POU6F2: variants seen among roughly 807,000 people sequenced by gnomAD.
POU6F2 encodes the protein POU domain, class 6, transcription factor 2.
POU6F2 carries 31 observed loss-of-function variants against 71.3 expected under a neutral mutation model. The observed-to-expected ratio is 0.43, with a 90% CI of 0.33 to 0.59. The LOEUF is 0.59. Ranked by LOEUF, POU6F2 falls within the 20% of genes least tolerant of loss-of-function variation. The pLI, the probability that POU6F2 is intolerant of heterozygous loss-of-function variation, is 0.04. For synonymous variants in POU6F2, 347 were observed against 355.7 expected (o/e 0.98, Z 0.27); for missense variants, 783 against 856.8 (o/e 0.91, Z 1.07).
chr7:39,089,235 C>A (rs1791315535), intron 2 of POU6F2, among the ~76,000 whole-genome samples: 1 of 152,176 alleles, frequency 6.6e-6, no homozygotes, highest in African/African-American at 2.4e-5. Context: ...TTAGGTAGTT[C>A]TCTGTGATAT....
At chr7:39,244,161 A>G (rs545117078) in intron 4 of POU6F2, among the ~76,000 whole-genome samples, 1 of 152,322 alleles carries the variant, frequency 6.6e-6, no homozygotes, top group Non-Finnish European at 1.5e-5. Context: ...ATATAAAAAA[A>G]ACATTTTTGT....
chr7:39,167,487 T>C (rs1425862451), intron 2 of POU6F2, among the ~76,000 whole-genome samples: 2 of 152,146 alleles, frequency 1.3e-5, no homozygotes, highest in Non-Finnish European at 2.9e-5. Context: ...TGTATGGATA[T>C]CTTTGCGTCA....
At chr7:39,233,108 T>TA (rs1183228242) in intron 4 of POU6F2, among the ~76,000 whole-genome samples, 11 of 152,206 alleles carry the variant, frequency 7.2e-5, no homozygotes, top group Non-Finnish European at 1.3e-4. Context: ...ATTAACCACT[T>TA]ATCCTATGCT....
chr7:39,288,244 G>A (rs1442056671), intron 4 of POU6F2, among the ~76,000 whole-genome samples: 1 of 152,116 alleles, frequency 6.6e-6, no homozygotes, highest in Non-Finnish European at 1.5e-5. Context: ...AAGCTGCAGT[G>A]TCAAGACCAC....
At chr7:39,431,952 AC>A (rs1483383504) in intron 6 of POU6F2, among the ~76,000 whole-genome samples, 2 of 152,142 alleles carry the variant, frequency 1.3e-5, no homozygotes, top group Non-Finnish European at 2.9e-5. Flanking sequence ...TAACCATCCT[AC>A]CGTGTGTGGA....
chr7:39,207,511 G>A lies in POU6F2; in HGVS notation c.489G>A (p.Gln163=), dbSNP rs919632022. 2.8e-5 allele frequency: 45 copies of A among 1,613,906 alleles called. No individual in the cohort carries two copies. The highest frequency in any genetic ancestry group is 3.6e-5 in the Non-Finnish European group (43 of 1,179,896). The change falls in exon 4 of 10, where the codon CAG becomes CAA. Residue 163 remains glutamine (Q), a synonymous_variant. Transcript: ENST00000518318. ...ACATGGCGGGACAGCTAGGAGGCCA[G>A]CAAGGACTGGTTCTCACACTGCCAA... ...PFNMAGQLGG[Q]QGLVLTLPTA... is the part of the protein sequence containing the mutation.
intron 4 of POU6F2, among the ~76,000 whole-genome samples, chr7:39,265,728 T>C (rs554350265): frequency 2.0e-5 from 3 of 152,344 alleles, no homozygotes; most frequent in African/African-American, 7.2e-5. Context: ...AGTAAGCTTC[T>C]ATAAACAGAC....
chr7:39,206,707 T>C (rs543437827), intron 3 of POU6F2, among the ~76,000 whole-genome samples: 24 of 152,370 alleles, frequency 1.6e-4, no homozygotes, highest in Non-Finnish European at 2.6e-4. Context: ...AGTACTGTAA[T>C]AAGCTATTTT....
intron 2 of POU6F2, among the ~76,000 whole-genome samples, chr7:39,122,723 T>C (rs1275019982): frequency 6.6e-6 from 1 of 151,078 alleles, no homozygotes; most frequent in Non-Finnish European, 1.5e-5. Context: ...TTTTTTTTTT[T>C]TGGAGATGGA....
rs771872949 is a variant in POU6F2, at chr7:39,433,187, C to T, written c.1224C>T (p.Ala408=). 1 of 1,613,884 alleles carries T rather than the reference C, an allele frequency of 6.2e-7. No homozygotes were observed. The highest frequency in any genetic ancestry group is 8.5e-7 in the Non-Finnish European group (1 of 1,179,872). Residue 408 remains alanine, a synonymous_variant, in exon 7 of 10, where the codon GCC becomes GCT. Transcript: ENST00000518318. ...QPITPQLLTN[A]QGQIIATVIG... ...TCACCCCCCAGCTCCTCACAAACGCCCAGGGCCAGATCATCGCCACAGTCA... is the reference window on the plus strand; with the variant it reads ...TCACCCCCCAGCTCCTCACAAACGCTCAGGGCCAGATCATCGCCACAGTCA...
At chr7:38,986,860 C>G (rs1370244800) in intron 1 of POU6F2, among the ~76,000 whole-genome samples, 1 of 152,124 alleles carries the variant, frequency 6.6e-6, no homozygotes, top group African/African-American at 2.4e-5. Context: ...CTATACTATA[C>G]ATAGAGTTCT....
rs534270100 is a variant in POU6F2 at position 39,383,735 on chromosome 7, C to G, written c.973-22865C>G. On this transcript the variant is annotated intron_variant, in intron 5 of 9. Transcript: ENST00000518318. ...TGTGCTTAGAGTGCTCGAACCAGAC[C>G]TCTGAAGATGAATTACCATTTCTCT... Among the ~76,000 whole-genome samples the G allele has an allele frequency of 3.7e-4, 57 of 152,288 alleles. No individual in the cohort carries two copies. In the South Asian group the frequency reaches 9.7e-3, roughly 26 times the overall value.
At chr7:39,157,790 G>A (rs1177628205) in intron 2 of POU6F2, among the ~76,000 whole-genome samples, 1 of 152,206 alleles carries the variant, frequency 6.6e-6, no homozygotes, top group East Asian at 1.9e-4. Flanking sequence ...TCTTTCAACA[G>A]GCAACGAATT....
At chr7:39,074,563 A>T (rs776836879) in intron 1 of POU6F2, among the ~76,000 whole-genome samples, 44 of 152,142 alleles carry the variant, frequency 2.9e-4, no homozygotes, top group African/African-American at 4.6e-4. Context: ...TTGTTTTTCA[A>T]ATGAAAGCAA....
intron 4 of POU6F2, among the ~76,000 whole-genome samples, chr7:39,248,718 G>A (rs1783862362): frequency 1.3e-5 from 2 of 152,164 alleles, no homozygotes; most frequent in Admixed American, 1.3e-4. Flanking sequence ...TACTGTTGGA[G>A]TGCAAACACA....
chr7:39,453,783 A>G (rs1342560236), intron 8 of POU6F2, among the ~76,000 whole-genome samples: 2 of 152,216 alleles, frequency 1.3e-5, no homozygotes, highest in Admixed American at 6.5e-5. Flanking sequence ...ACCATATTAC[A>G]TATCCTCGGT....
At chr7:39,350,758 C>T (rs1786124574) in intron 5 of POU6F2, among the ~76,000 whole-genome samples, 1 of 152,212 alleles carries the variant, frequency 6.6e-6, no homozygotes, top group Non-Finnish European at 1.5e-5. Flanking sequence ...AAAGGAAGAC[C>T]TGCATGTAAT....
chr7:39,115,341 T>TTTAA (rs1201149358), intron 2 of POU6F2, among the ~76,000 whole-genome samples: 1 of 152,174 alleles, frequency 6.6e-6, no homozygotes, highest in African/African-American at 2.4e-5. Context: ...TCAAAACTTA[T>TTTAA]TTATTTATTT....
At chr7:39,254,334 A>C (rs766734115) in intron 4 of POU6F2, among the ~76,000 whole-genome samples, 6 of 152,234 alleles carry the variant, frequency 3.9e-5, no homozygotes, top group African/African-American at 9.6e-5. Flanking sequence ...CAGCTCTTGC[A>C]GTACCAAAAA....
Sources: allele counts gnomAD v4.1 joint callset (sites outside exome capture counted in the v4.1 genomes callset), GRCh38; gene constraint gnomAD v4.1.1; transcripts MANE v1.5; gene names NCBI Gene and HGNC (gene_info 2026-07-23, HGNC 2026-07-21).